Variants in DNAH14 observed in about 807,000 individuals in gnomAD.
The protein encoded by DNAH14 is dynein axonemal heavy chain 14.
A neutral mutation model predicts 520.9 loss-of-function variants in DNAH14; 478 were observed. That is an observed-to-expected ratio of 0.92 (90% confidence interval 0.85 to 0.99). The LOEUF is 0.99. Ranked by LOEUF, DNAH14 falls within the 50% of genes least tolerant of loss-of-function variation. The pLI is 0.00. For synonymous variants in DNAH14, 1,581 were observed against 1,757.2 expected (o/e 0.90, Z 2.51); for missense variants, 4,831 against 5,234.5 (o/e 0.92, Z 2.38).
intron 35 of DNAH14, among the ~76,000 whole-genome samples, chr1:225,161,321 C>T (rs1464389080): frequency 6.6e-6 from 1 of 152,076 alleles, no homozygotes; most frequent in African/African-American, 2.4e-5. Flanking sequence ...TGACCGGTTC[C>T]ATCTATGTTG....
At chr1:225,009,452 C>T (rs1312046427) in intron 10 of DNAH14, among the ~76,000 whole-genome samples, 1 of 152,082 alleles carries the variant, frequency 6.6e-6, no homozygotes, top group Non-Finnish European at 1.5e-5. Context: ...CTGTTCTGTT[C>T]CATTGGTCTA....
chr1:225,240,774 G>A lies in DNAH14; in HGVS notation c.6700G>A (p.Asp2234Asn), dbSNP rs1474706098. ...EPDSLAKVTY[D>N]FDKLVHELFG... ...TGATTCTCTTGCAAAAGTAACATAC[G>A]ATTTTGACAAACTTGTTCATGAATT... The change falls in exon 43 of 86, where the codon GAT becomes AAT. Residue 2234 changes from aspartate (D) to asparagine (N), a missense_variant. Physicochemically the swap from Asp to Asn is conservative, Grantham distance 23. Transcript: ENST00000682510. 16 of 1,549,778 alleles carry A rather than the reference G, an allele frequency of 1.0e-5. No individual in the cohort carries two copies. The South Asian group carries it at 1.2e-4, about 12-fold the overall frequency.
intron 33 of DNAH14, among the ~76,000 whole-genome samples, chr1:225,153,423 T>C (rs575532585): frequency 3.3e-5 from 5 of 152,292 alleles, no homozygotes; most frequent in African/African-American, 9.6e-5. Context: ...CAAAATGGTT[T>C]GGACAGCTAA....
intron 3 of DNAH14, among the ~76,000 whole-genome samples, chr1:224,955,717 C>A (rs1035827836): frequency 3.3e-5 from 5 of 152,148 alleles, no homozygotes; most frequent in African/African-American, 9.7e-5. Context: ...TGGAGCTCCG[C>A]TTCTGCCATT....
At chr1:225,334,144 A>T (rs1213477250) in intron 66 of DNAH14, among the ~76,000 whole-genome samples, 2 of 152,222 alleles carry the variant, frequency 1.3e-5, no homozygotes, top group African/African-American at 4.8e-5. Flanking sequence ...TCCAGTAACA[A>T]GTCTAAGATT....
chr1:225,258,093 G>T lies in DNAH14; in HGVS notation c.6999G>T (p.Lys2333Asn), dbSNP rs1432621729. 1.3e-6 allele frequency: 2 copies of T among 1,545,386 alleles called. No individual in the cohort carries two copies. Among genetic ancestry groups the T allele is most frequent in the Non-Finnish European group, 1.7e-6 (2 of 1,145,058 alleles). The part of the protein sequence containing the change: ...CLSFLMSLLL[K>N]NSCPVLLTGE... ...CTTTTCTCATGAGCCTTCTTTTAAAGAATTCCTGCCCTGTACTTCTCACAG... is the reference window on the plus strand; with the variant it reads ...CTTTTCTCATGAGCCTTCTTTTAAATAATTCCTGCCCTGTACTTCTCACAG... Residue 2333 changes from lysine to asparagine, a missense_variant, in exon 45 of 86, where the codon AAG becomes AAT. Lys to Asn is a moderately conservative substitution (Grantham distance 94). Coordinates refer to ENST00000682510, the MANE Select transcript of DNAH14 (RefSeq NM_001367479.1).
At chr1:225,281,709 G>C (rs1272790078) in intron 54 of DNAH14, among the ~76,000 whole-genome samples, 3 of 152,056 alleles carry the variant, frequency 2.0e-5, no homozygotes, top group Non-Finnish European at 4.4e-5. Context: ...ACAATGAATA[G>C]CACAAAAGAG....
chr1:225,371,235 C>A (rs1358790021), intron 77 of DNAH14, among the ~76,000 whole-genome samples: 1 of 152,058 alleles, frequency 6.6e-6, no homozygotes, highest in Admixed American at 6.5e-5. Context: ...AAATGGATCT[C>A]AGCAATGAAA....
chr1:225,327,258 C>T lies in DNAH14; in HGVS notation c.9723+2426C>T, dbSNP rs373745611. The stretch of plus-strand genomic sequence containing the variant: ...CTGCAAGCTCCGCCTCCCGGGTTCA[C>T]GCCATTCTCCTGCCTCAGCCTCCCG... On this transcript the variant is annotated intron_variant, in intron 64 of 85. Transcript: ENST00000682510. Among the ~76,000 whole-genome samples, 191 of 151,920 alleles carry T rather than the reference C, an allele frequency of 1.3e-3. 1 individual carries two copies. Among genetic ancestry groups the T allele is most frequent in the African/African-American group, 4.5e-3 (186 of 41,428 alleles).
intron 1 of DNAH14, among the ~76,000 whole-genome samples, chr1:224,943,129 G>A (rs2059542418): frequency 6.6e-6 from 1 of 152,146 alleles, no homozygotes; most frequent in Admixed American, 6.5e-5. Context: ...GAATTCATGT[G>A]GTCCTGGACT....
In DNAH14 at chr1:225,358,761, G is replaced by A. The variant is rs1341864610; in HGVS notation, c.11776+109G>A. 1.1e-5 allele frequency: 13 copies of A among 1,162,852 alleles called. No individual in the cohort carries two copies. The East Asian group carries it at 3.5e-4, about 32-fold the overall frequency. The allele number at this position is 1,162,852 out of a possible 1,614,324, so 72.0% of individuals were successfully genotyped here. The stretch of plus-strand genomic sequence containing the variant: ...CATAATCCCCACATGTCAAGGGCGA[G>A]ACCAGGTAGAGGTAATTGGATCATG... On this transcript the variant is annotated intron_variant, in intron 74 of 85. Coordinates refer to ENST00000682510, the MANE Select transcript of DNAH14 (RefSeq NM_001367479.1).
intron 36 of DNAH14, among the ~76,000 whole-genome samples, chr1:225,179,323 G>A (rs1376530952): frequency 2.0e-5 from 3 of 151,628 alleles, no homozygotes; most frequent in Non-Finnish European, 2.9e-5. Context: ...TTCTTCCTTT[G>A]TACTTAAGTG....
chr1:225,013,897 G>C (rs570223880), intron 10 of DNAH14, among the ~76,000 whole-genome samples: 1 of 152,140 alleles, frequency 6.6e-6, no homozygotes, highest in African/African-American at 2.4e-5. Flanking sequence ...GGGCTCCTTG[G>C]GGGTGGGATC....
At chr1:225,197,063 T>C (rs1184780301) in intron 38 of DNAH14, among the ~76,000 whole-genome samples, 1 of 152,196 alleles carries the variant, frequency 6.6e-6, no homozygotes, top group East Asian at 1.9e-4. Flanking sequence ...CAGCTATTTA[T>C]CTTTGTTTTT....
At chr1:225,283,291 C>T (rs529424566) in intron 54 of DNAH14, among the ~76,000 whole-genome samples, 5 of 151,822 alleles carry the variant, frequency 3.3e-5, no homozygotes, top group Admixed American at 6.6e-5. Context: ...AAAAGCCACA[C>T]GTTAGATTCA....
At position 225,207,096 on chromosome 1, in the gene DNAH14, A is replaced by G. The variant is rs1187424045; in HGVS notation, c.6315A>G (p.Gln2105=). 3.2e-6 allele frequency: 5 copies of G among 1,551,142 alleles called. No individual in the cohort carries two copies. Among genetic ancestry groups the G allele is most frequent in the Admixed American group, 3.9e-5 (2 of 50,958 alleles). ...AAAATAGTGTCACAGACGGACTACA[A>G]TTTATAAGGAATCGTCAGAAATTTC... The part of the protein sequence containing the change: ...MIKNSVTDGL[Q]FIRNRQKFQP... Residue 2105 remains glutamine, a synonymous_variant, in exon 41 of 86, where the codon CAA becomes CAG. Coordinates refer to ENST00000682510, the MANE Select transcript of DNAH14 (RefSeq NM_001367479.1).
chr1:224,937,650 G>T (rs2059128623), intron 1 of DNAH14, among the ~76,000 whole-genome samples: 1 of 151,856 alleles, frequency 6.6e-6, no homozygotes, highest in Non-Finnish European at 1.5e-5. Context: ...ATTCAGTGCA[G>T]TCCCTAGCTA....
intron 45 of DNAH14, among the ~76,000 whole-genome samples, chr1:225,258,818 A>G (rs1335936262): frequency 2.0e-5 from 3 of 152,212 alleles, no homozygotes; most frequent in Non-Finnish European, 4.4e-5. Flanking sequence ...AGAAATTTTT[A>G]AGGAATTATG....
At chr1:225,258,545 C>T (rs148206352) in intron 45 of DNAH14, among the ~76,000 whole-genome samples, 193 of 152,230 alleles carry the variant, frequency 1.3e-3, no homozygotes, top group Middle Eastern at 0.01. Flanking sequence ...TCTTTTAATG[C>T]GTATTTCAAC....
Sources: allele counts gnomAD v4.1 joint callset (sites outside exome capture counted in the v4.1 genomes callset), GRCh38; gene constraint gnomAD v4.1.1; transcripts MANE v1.5; gene names NCBI Gene and HGNC (gene_info 2026-07-23, HGNC 2026-07-21).